The following GOLM2 variants were observed in gnomAD, a reference collection of about 807,000 sequenced individuals.
The protein encoded by GOLM2 is golgi membrane protein 2.
A neutral mutation model predicts 55.9 loss-of-function variants in GOLM2; 26 were observed. The observed-to-expected ratio is 0.47, with a 90% confidence interval of 0.34 to 0.65. The LOEUF is 0.65. GOLM2 is among the 30% of genes least tolerant of loss of function. The probability of loss-of-function intolerance (pLI) is 0.01; values close to 1 mark genes in which losing one functional copy is unlikely to be tolerated. For missense variants in GOLM2, 486 were observed against 531.8 expected, an observed-to-expected ratio of 0.91 and a Z score of 0.85; for synonymous variants, 165 against 194.6, an observed-to-expected ratio of 0.85 and a Z score of 1.27.
At chr15:44,364,587 C>T (rs766546692) in intron 6 of GOLM2, among the ~76,000 whole-genome samples, 61 of 151,144 alleles carry the variant, frequency 4.0e-4, no homozygotes, top group Admixed American at 2.8e-3. Context: ...CCCAGCTACT[C>T]GGAATGCTGA....
At chr15:44,313,922 G>C (rs190530516) in intron 1 of GOLM2, among the ~76,000 whole-genome samples, 1 of 152,230 alleles carries the variant, frequency 6.6e-6, no homozygotes, top group Admixed American at 6.5e-5. Context: ...CAAGACCAAA[G>C]ACCTTGTTTA....
intron 6 of GOLM2, among the ~76,000 whole-genome samples, chr15:44,374,620 A>G (rs952671449): frequency 3.3e-5 from 5 of 152,198 alleles, no homozygotes; most frequent in Non-Finnish European, 5.9e-5. Flanking sequence ...GACACTTGCA[A>G]TCATGGCATA....
intron 4 of GOLM2, among the ~76,000 whole-genome samples, chr15:44,336,670 A>G (rs2079059029): frequency 6.6e-6 from 1 of 151,924 alleles, no homozygotes; most frequent in Admixed American, 6.6e-5. Flanking sequence ...TAATCCCAGC[A>G]CTTTGGGAGG....
intron 6 of GOLM2, among the ~76,000 whole-genome samples, chr15:44,351,438 G>A (rs960984749): frequency 2.0e-4 from 31 of 151,728 alleles, no homozygotes; most frequent in African/African-American, 6.5e-4. Context: ...TTAGCCGGGC[G>A]TGGTGGCGGG....
intron 1 of GOLM2, among the ~76,000 whole-genome samples, chr15:44,312,808 C>T (rs138728115): frequency 0.052 from 7,886 of 151,954 alleles, 327 homozygotes; most frequent in East Asian, 0.2. Context: ...TGGCTGGGTG[C>T]GGTGGCTCAC....
chr15:44,383,675 C>CTTTTTTTTTT (rs761209421), intron 8 of GOLM2, among the ~76,000 whole-genome samples: 10 of 125,900 alleles, frequency 7.9e-5, no homozygotes, highest in East Asian at 2.2e-4. Flanking sequence ...TTCTTTTTTT[C>CTTTTTTTTTT]TTTTTTTTTT....
chr15:44,302,226 C>T (rs1274475535), intron 1 of GOLM2, among the ~76,000 whole-genome samples: 1 of 150,128 alleles, frequency 6.7e-6, no homozygotes, highest in Non-Finnish European at 1.5e-5. Flanking sequence ...CTCACTGCAA[C>T]CTCTGTCTCA....
At chr15:44,309,625 G>C (rs542399766) in intron 1 of GOLM2, among the ~76,000 whole-genome samples, 12 of 152,210 alleles carry the variant, frequency 7.9e-5, no homozygotes, top group African/African-American at 2.9e-4. Context: ...AAATAGTAAA[G>C]AAGACATTCT....
intron 8 of GOLM2, among the ~76,000 whole-genome samples, chr15:44,397,410 C>T (rs1380124397): frequency 2.2e-5 from 3 of 134,014 alleles, no homozygotes; most frequent in African/African-American, 8.4e-5. Flanking sequence ...ACCTGGGAGG[C>T]GGAGCTTGCA....
At chr15:44,377,514 G>T (rs1172665289) in intron 6 of GOLM2, among the ~76,000 whole-genome samples, 2 of 152,162 alleles carry the variant, frequency 1.3e-5, no homozygotes, top group Non-Finnish European at 2.9e-5. Flanking sequence ...GGGGTTACAG[G>T]CGTGTGCCAC....
At chr15:44,302,645 C>G (rs12437572) in intron 1 of GOLM2, among the ~76,000 whole-genome samples, 25,608 of 151,780 alleles carry the variant, frequency 0.17, 2,932 homozygotes, top group Non-Finnish European at 0.25. Context: ...TGCACAGTAC[C>G]ACACCCAGCT....
intron 6 of GOLM2, among the ~76,000 whole-genome samples, chr15:44,367,167 A>G (rs2079291289): frequency 6.6e-6 from 1 of 150,952 alleles, no homozygotes; most frequent in Admixed American, 6.6e-5. Flanking sequence ...CTAGAACAGC[A>G]GAATTGAGTA....
At chr15:44,333,381 T>C (rs548012269) in intron 4 of GOLM2, among the ~76,000 whole-genome samples, 22 of 152,264 alleles carry the variant, frequency 1.4e-4, no homozygotes, top group Non-Finnish European at 2.5e-4. Context: ...GTTAAGGATA[T>C]CAGGTTTTCA....
At chr15:44,358,184 T>G (rs542968571) in intron 6 of GOLM2, among the ~76,000 whole-genome samples, 55 of 152,226 alleles carry the variant, frequency 3.6e-4, no homozygotes, top group African/African-American at 1.3e-3. Flanking sequence ...CAAAACCCTG[T>G]CTCTACTGAA....
chr15:44,386,844 T>C (rs1473283874), intron 8 of GOLM2, among the ~76,000 whole-genome samples: 2 of 149,498 alleles, frequency 1.3e-5, no homozygotes, highest in Admixed American at 1.3e-4. Context: ...GCACTCCAGC[T>C]TGGGTGACAA....
intron 8 of GOLM2, among the ~76,000 whole-genome samples, chr15:44,395,392 C>T (rs531148201): frequency 1.3e-5 from 2 of 152,084 alleles, no homozygotes; most frequent in South Asian, 4.2e-4. Flanking sequence ...AGTGACTCAT[C>T]TTGGTGTTTC....
intron 2 of GOLM2, among the ~76,000 whole-genome samples, chr15:44,326,230 C>G (rs2078979704): frequency 6.7e-6 from 1 of 149,606 alleles, no homozygotes; most frequent in Admixed American, 6.7e-5. Context: ...CCACTGCACT[C>G]CATCCTGGGC....
At chr15:44,316,174 A>C (rs576134315) in intron 1 of GOLM2, among the ~76,000 whole-genome samples, 37 of 152,348 alleles carry the variant, frequency 2.4e-4, no homozygotes, top group African/African-American at 8.7e-4. Context: ...TCTCAACAGC[A>C]GGGACGTTTT....
At position 44,336,153 on chromosome 15, in the gene GOLM2, G is replaced by A. The variant is rs1255340808; in HGVS notation, c.577-1610G>A. 4.1e-5 allele frequency among the ~76,000 whole-genome samples: 6 copies of A among 145,606 alleles called. No homozygotes were observed. In the South Asian group the frequency reaches 1.3e-3, roughly 32 times the overall value. On this transcript the variant is annotated intron_variant, in intron 4 of 9. Coordinates refer to ENST00000299957, the MANE Select transcript of GOLM2 (RefSeq NM_138423.4). Reference sequence around the variant, plus strand: ...TTTCTATTTAATGGAGTGTTGCACTGTTGCCCAGGCTGGAGTGCAGTGGTG... The same window carrying A: ...TTTCTATTTAATGGAGTGTTGCACTATTGCCCAGGCTGGAGTGCAGTGGTG...
Sources: allele counts gnomAD v4.1 joint callset (sites outside exome capture counted in the v4.1 genomes callset), GRCh38; gene constraint gnomAD v4.1.1; transcripts MANE v1.5; gene names NCBI Gene and HGNC (gene_info 2026-07-23, HGNC 2026-07-21).